KIAA1210: variants seen among roughly 807,000 people sequenced by gnomAD.
KIAA1210 encodes acrosomal protein KIAA1210.
Under a neutral mutation model 78.9 loss-of-function variants are expected in KIAA1210, and 48 were observed. The observed-to-expected ratio is 0.61, with a 90% CI of 0.48 to 0.77. The LOEUF is 0.77. Ranked by LOEUF, KIAA1210 falls within the 30% of genes least tolerant of loss-of-function variation. The probability of loss-of-function intolerance (pLI) is 0.00; values close to 1 mark genes in which losing one functional copy is unlikely to be tolerated. For synonymous variants in KIAA1210, 406 were observed against 404.5 expected, an observed-to-expected ratio of 1.00 and a Z score of -0.04; for missense variants, 1,108 against 1,100.0, an observed-to-expected ratio of 1.01 and a Z score of -0.10.
In KIAA1210 at chrX:119,086,664, G is replaced by C; in HGVS notation, c.4038C>G (p.Ser1346=). 1 of 1,211,421 alleles carries C rather than the reference G, an allele frequency of 8.3e-7. No homozygotes were observed. The highest frequency in any genetic ancestry group is 1.8e-5 in the South Asian group (1 of 56,944). ...TCCCTGCAGCATCCAGGAGCCCCTGGGAAGTGCTTCTGATTTTATGTCCCC... is the reference window on the plus strand; with the variant it reads ...TCCCTGCAGCATCCAGGAGCCCCTGCGAAGTGCTTCTGATTTTATGTCCCC... The part of the protein sequence containing the change: ...VGRGHKIRST[S]QGLLDAAGNL... Residue 1346 remains serine, a synonymous_variant, in exon 9 of 12, where the codon TCC becomes TCG. Coordinates refer to ENST00000691062, the MANE Select transcript of KIAA1210 (RefSeq NM_001394962.1).
intron 6 of KIAA1210, among the ~76,000 whole-genome samples, chrX:119,100,481 C>T (rs774345677): frequency 8.1e-5 from 9 of 110,823 alleles, no homozygotes; most frequent in African/African-American, 3.0e-4. Flanking sequence ...CTTTTCCATC[C>T]TCACTCCCCT....
intron 2 of KIAA1210, among the ~76,000 whole-genome samples, chrX:119,121,057 C>T (rs1928441197): frequency 9.0e-6 from 1 of 111,535 alleles, no homozygotes; most frequent in African/African-American, 3.3e-5. Context: ...TGAATGAAGA[C>T]GAGCCCTGGT....
intron 2 of KIAA1210, among the ~76,000 whole-genome samples, chrX:119,144,683 A>G (rs187796723): frequency 1.5e-3 from 173 of 112,207 alleles, no homozygotes; most frequent in African/African-American, 5.3e-3. Context: ...GATGACAATT[A>G]CTATAGTTAT....
At chrX:119,082,763 G>A (rs1369586999) in intron 11 of KIAA1210, among the ~76,000 whole-genome samples, 1 of 111,948 alleles carries the variant, frequency 8.9e-6, no homozygotes, top group East Asian at 2.8e-4. Context: ...CCACAGTTTT[G>A]TGCCTAGACA....
intron 2 of KIAA1210, among the ~76,000 whole-genome samples, chrX:119,144,725 C>T (rs1221018113): frequency 8.9e-6 from 1 of 112,311 alleles, no homozygotes. Context: ...GCTAACATCT[C>T]TCAAATTCTT....
At chrX:119,145,102 T>C (rs1188004436) in intron 2 of KIAA1210, among the ~76,000 whole-genome samples, 2 of 111,969 alleles carry the variant, frequency 1.8e-5, no homozygotes, top group African/African-American at 6.5e-5. Context: ...GGCTATCTCA[T>C]TGGACACCAC....
chrX:119,141,944 T>C (rs952083379), intron 2 of KIAA1210, among the ~76,000 whole-genome samples: 10 of 112,662 alleles, frequency 8.9e-5, no homozygotes, highest in African/African-American at 3.2e-4. Context: ...TCCAGTAGTT[T>C]CTAAGCAGAT....
At chrX:119,138,133 A>G (rs1291972132) in intron 2 of KIAA1210, among the ~76,000 whole-genome samples, 1 of 110,073 alleles carries the variant, frequency 9.1e-6, no homozygotes, top group Non-Finnish European at 1.9e-5. Flanking sequence ...AGAAAGGACT[A>G]AAAGGGACAT....
chrX:119,098,632 C>T lies in KIAA1210; in HGVS notation c.649-1941G>A, dbSNP rs1042915093. On this transcript the variant is annotated intron_variant, in intron 6 of 11. Coordinates refer to ENST00000691062, the MANE Select transcript of KIAA1210 (RefSeq NM_001394962.1). ...AAAAAAAAAAAAAAAAAAAAGGCACCTTTTCAGTGATGTCTTCCCTGGCCA... is the reference window on the plus strand; with the variant it reads ...AAAAAAAAAAAAAAAAAAAAGGCACTTTTTCAGTGATGTCTTCCCTGGCCA... Among the ~76,000 whole-genome samples, 10 of 106,750 alleles carry T rather than the reference C, an allele frequency of 9.4e-5. No individual in the cohort carries two copies. In the Admixed American group the frequency reaches 1.0e-3, roughly 11 times the overall value. The allele number at this position is 106,750 out of a possible 115,157, so 92.7% of individuals were successfully genotyped here.
chrX:119,150,813 C>T (rs1292752920), upstream of KIAA1210, among the ~76,000 whole-genome samples: 5 of 112,876 alleles, frequency 4.4e-5, no homozygotes, highest in Non-Finnish European at 7.5e-5. Context: ...CATTCCTCGC[C>T]GCCCGTTTTT....
At chrX:119,151,103 C>T (rs981053299), upstream of KIAA1210, among the ~76,000 whole-genome samples, 1 of 112,571 alleles carries the variant, frequency 8.9e-6, no homozygotes, top group Non-Finnish European at 1.9e-5. Flanking sequence ...CACCCGCACG[C>T]AGCCCCAGAC....
intron 2 of KIAA1210, among the ~76,000 whole-genome samples, chrX:119,134,176 C>A (rs1016531863): frequency 9.0e-6 from 1 of 111,707 alleles, no homozygotes; most frequent in South Asian, 3.8e-4. Context: ...TACTCTCTAC[C>A]GCCATGAGAT....
chrX:119,123,029 G>C (rs1210971754), intron 2 of KIAA1210, among the ~76,000 whole-genome samples: 1 of 112,485 alleles, frequency 8.9e-6, no homozygotes, highest in Non-Finnish European at 1.9e-5. Flanking sequence ...TTTATTGTGT[G>C]TGTGTGTGTA....
chrX:119,082,867 T>C, intron 11 of KIAA1210, 148 bp downstream of exon 11: 1 of 389,476 alleles, frequency 2.6e-6, no homozygotes, highest in Non-Finnish European at 4.4e-6. Flanking sequence ...TAAAATAAGC[T>C]AATATTTGTA....
chrX:119,103,948 A>G, intron 6 of KIAA1210, among the ~76,000 whole-genome samples: 1 of 112,086 alleles, frequency 8.9e-6, no homozygotes, highest in East Asian at 2.8e-4. Flanking sequence ...GATGGGAGAT[A>G]CGAATGGTGA....
chrX:119,092,336 G>T (rs1927394262), intron 8 of KIAA1210, among the ~76,000 whole-genome samples: 1 of 111,784 alleles, frequency 8.9e-6, no homozygotes, highest in Non-Finnish European at 1.9e-5. Context: ...TTCATATCCA[G>T]CATACAGCGC....
At chrX:119,107,807 G>T (rs1408468367) in intron 5 of KIAA1210, among the ~76,000 whole-genome samples, 5 of 111,813 alleles carry the variant, frequency 4.5e-5, no homozygotes, top group African/African-American at 1.6e-4. Flanking sequence ...CCACCCACAG[G>T]CTGAGACGGG....
chrX:119,100,204 C>A (rs1036660995), intron 6 of KIAA1210, among the ~76,000 whole-genome samples: 1 of 109,346 alleles, frequency 9.1e-6, no homozygotes, highest in Non-Finnish European at 1.9e-5. Context: ...GTGGTGCACA[C>A]CTGTAGTCCC....
intron 1 of KIAA1210, 35 bp from the exon 2 acceptor site, chrX:119,123,687 C>CAA: frequency 7.1e-6 from 7 of 981,151 alleles, no homozygotes; most frequent in South Asian, 2.1e-5. Flanking sequence ...AGCAAAATAT[C>CAA]ATCATTTGAT....
Sources: gnomAD v4.1 joint callset for allele counts (sites outside exome capture counted in the v4.1 genomes callset) on GRCh38, gnomAD v4.1.1 for gene constraint, MANE v1.5 for transcripts, NCBI Gene and HGNC (gene_info 2026-07-23, HGNC 2026-07-21) for gene names.